Variants in ASIC2 observed in about 807,000 individuals in gnomAD.
ASIC2 encodes the protein acid-sensing ion channel 2.
Under a neutral mutation model 57.3 loss-of-function variants are expected in ASIC2, and 25 were observed. That is an observed-to-expected ratio of 0.44 (90% CI 0.32 to 0.61). The LOEUF is 0.61. Ranked by LOEUF, ASIC2 falls within the 20% of genes least tolerant of loss-of-function variation. The probability of loss-of-function intolerance (pLI) is 0.06; values close to 1 mark genes in which losing one functional copy is unlikely to be tolerated. For synonymous variants in ASIC2, 319 were observed against 307.5 expected, an observed-to-expected ratio of 1.04 and a Z score of -0.39; for missense variants, 641 against 738.1, an observed-to-expected ratio of 0.87 and a Z score of 1.52.
At chr17:33,718,222 T>C (rs1909281787) in intron 1 of ASIC2, among the ~76,000 whole-genome samples, 2 of 152,322 alleles carry the variant, frequency 1.3e-5, no homozygotes, top group South Asian at 4.1e-4. Context: ...TAAATGGTTG[T>C]TAGACTGTAA....
chr17:33,926,638 C>A (rs55840118), intron 1 of ASIC2, among the ~76,000 whole-genome samples: 9 of 152,102 alleles, frequency 5.9e-5, no homozygotes, highest in Admixed American at 6.5e-5. Context: ...CTACCTAAAG[C>A]AACCATTTTC....
chr17:33,582,353 C>G lies in ASIC2; in HGVS notation c.556-470286G>C, dbSNP rs200496048. ...AATGTTAAAAGGATAAGCAAAGGAGCCAGGCTCAGTCTATAAATTAATGAT... is the reference window on the plus strand; with the variant it reads ...AATGTTAAAAGGATAAGCAAAGGAGGCAGGCTCAGTCTATAAATTAATGAT... On this transcript the variant is annotated intron_variant, in intron 1 of 9. Coordinates refer to the ASIC2 transcript ENST00000359872. Among the ~76,000 whole-genome samples, 5 of 152,114 alleles carry G rather than the reference C, an allele frequency of 3.3e-5. No individual in the cohort carries two copies. The East Asian group carries it at 9.6e-4, about 29-fold the overall frequency.
chr17:33,363,893 C>A (rs925541891), intron 1 of ASIC2, among the ~76,000 whole-genome samples: 2 of 152,210 alleles, frequency 1.3e-5, no homozygotes, highest in African/African-American at 4.8e-5. Context: ...GGGGCAGCCA[C>A]CTGGGCTTTG....
At chr17:33,526,465 C>A (rs960459022) in intron 1 of ASIC2, among the ~76,000 whole-genome samples, 13 of 152,344 alleles carry the variant, frequency 8.5e-5, no homozygotes, top group African/African-American at 3.1e-4. Context: ...TCCCAATCTC[C>A]CAGCATGTCC....
chr17:33,906,249 C>T (rs965353469), intron 1 of ASIC2, among the ~76,000 whole-genome samples: 1 of 152,146 alleles, frequency 6.6e-6, no homozygotes, highest in Non-Finnish European at 1.5e-5. Context: ...CAGAATGACA[C>T]CCTTCTTGCA....
intron 1 of ASIC2, among the ~76,000 whole-genome samples, chr17:33,741,094 A>G (rs1910098326): frequency 6.6e-6 from 1 of 152,136 alleles, no homozygotes; most frequent in African/African-American, 2.4e-5. Context: ...GGAGCTGTCG[A>G]AGGGGCTTCT....
At chr17:34,088,168 G>A (rs1910181677) in intron 1 of ASIC2, among the ~76,000 whole-genome samples, 1 of 152,116 alleles carries the variant, frequency 6.6e-6, no homozygotes, top group African/African-American at 2.4e-5. Flanking sequence ...CCATCTTTGT[G>A]GTTTTATCTA....
intron 1 of ASIC2, among the ~76,000 whole-genome samples, chr17:33,232,366 G>C (rs145493720): frequency 1.6e-4 from 25 of 152,144 alleles, no homozygotes; most frequent in African/African-American, 5.8e-4. Flanking sequence ...CTGTAGGTAA[G>C]ACATCCAGTC....
At position 33,618,398 on chromosome 17, in the gene ASIC2, G is replaced by A. The variant is rs538416498; in HGVS notation, c.556-506331C>T. Reference sequence around the variant, plus strand: ...CCAACTCTGAAGCCTCCTTGATGAAGCCAAGTGTATACCTCAGCTGCTCAT... The same window carrying A: ...CCAACTCTGAAGCCTCCTTGATGAAACCAAGTGTATACCTCAGCTGCTCAT... On this transcript the variant is annotated intron_variant, in intron 1 of 9. Transcript: ENST00000359872. 3.9e-4 allele frequency among the ~76,000 whole-genome samples: 60 copies of A among 152,104 alleles called. No individual in the cohort carries two copies. The South Asian group carries it at 5.2e-3, about 13-fold the overall frequency.
intron 3 of ASIC2, among the ~76,000 whole-genome samples, chr17:33,062,306 T>C (rs567051750): frequency 6.5e-4 from 99 of 152,332 alleles, no homozygotes; most frequent in African/African-American, 2.3e-3. Flanking sequence ...TTTAGTGCTA[T>C]AAATTTCCCT....
At chr17:33,452,383 A>C (rs1404283511) in intron 1 of ASIC2, among the ~76,000 whole-genome samples, 2 of 152,170 alleles carry the variant, frequency 1.3e-5, no homozygotes, top group Non-Finnish European at 2.9e-5. Context: ...CTTTCTTTCC[A>C]TCACCTCTTT....
chr17:33,579,266 G>A (rs1159890599), intron 1 of ASIC2, among the ~76,000 whole-genome samples: 15 of 136,396 alleles, frequency 1.1e-4, no homozygotes, highest in Admixed American at 9.9e-4. Context: ...AGCCTGGGTA[G>A]CACGAATGAA....
At chr17:33,958,890 C>T (rs1030459091) in intron 1 of ASIC2, among the ~76,000 whole-genome samples, 1 of 152,096 alleles carries the variant, frequency 6.6e-6, no homozygotes, top group Admixed American at 6.6e-5. Flanking sequence ...TGTCACCTCT[C>T]CAGTGCTTTG....
intron 1 of ASIC2, among the ~76,000 whole-genome samples, chr17:33,732,795 G>T (rs1909788380): frequency 1.3e-5 from 2 of 152,214 alleles, no homozygotes; most frequent in Admixed American, 6.5e-5. Flanking sequence ...GCACCACCAA[G>T]CCTGGCTAAT....
chr17:33,181,861 TTG>T (rs1905996369), intron 1 of ASIC2, among the ~76,000 whole-genome samples: 1 of 152,224 alleles, frequency 6.6e-6, no homozygotes, highest in Non-Finnish European at 1.5e-5. Flanking sequence ...CCCAGCCTGC[TTG>T]ACGAAGGGCA....
intron 1 of ASIC2, among the ~76,000 whole-genome samples, chr17:33,800,684 C>A (rs1450106651): frequency 6.6e-6 from 1 of 152,152 alleles, no homozygotes; most frequent in East Asian, 1.9e-4. Flanking sequence ...CTTTAAAACA[C>A]ATTGCAGGAG....
At chr17:33,057,697 C>G (rs1487925742) in intron 3 of ASIC2, among the ~76,000 whole-genome samples, 2 of 152,220 alleles carry the variant, frequency 1.3e-5, no homozygotes, top group Non-Finnish European at 2.9e-5. Context: ...CCTGGAAACC[C>G]CGTGGAATGG....
chr17:33,639,292 A>G (rs1906477420), intron 1 of ASIC2, among the ~76,000 whole-genome samples: 1 of 152,170 alleles, frequency 6.6e-6, no homozygotes, highest in South Asian at 2.1e-4. Context: ...AAATGTGACC[A>G]GACAAAGAGA....
At chr17:34,143,327 T>A (rs566979895) in intron 1 of ASIC2, among the ~76,000 whole-genome samples, 3 of 152,338 alleles carry the variant, frequency 2.0e-5, no homozygotes, top group African/African-American at 7.2e-5. Context: ...GGTTTGAATA[T>A]ATATAGTATG....
Sources: gnomAD v4.1 joint callset for allele counts (sites outside exome capture counted in the v4.1 genomes callset) on GRCh38, gnomAD v4.1.1 for gene constraint, MANE v1.5 for transcripts, NCBI Gene and HGNC (gene_info 2026-07-23, HGNC 2026-07-21) for gene names.